B9D1: variants seen among roughly 807,000 people sequenced by gnomAD.
B9D1 encodes the protein B9 domain-containing protein 1.
A neutral mutation model predicts 26.1 loss-of-function variants in B9D1; 20 were observed. The observed-to-expected ratio is 0.77, with a 90% confidence interval of 0.54 to 1.12. B9D1 has a LOEUF of 1.12. Ranked by LOEUF, B9D1 falls within the 50% of genes most tolerant of loss-of-function variation. B9D1 has a pLI of 0.00. For missense variants in B9D1, 260 were observed against 273.7 expected (o/e 0.95, Z 0.35); for synonymous variants, 105 against 103.1 (o/e 1.02, Z -0.11).
upstream of B9D1, chr17:19,362,992 T>C (rs927467965): frequency 1.5e-5 from 4 of 271,398 alleles, no homozygotes; most frequent in South Asian, 3.3e-5. Flanking sequence ...ACTCACGCCC[T>C]CAGCAAGCCG....
At chr17:19,354,215 C>A (rs941738106) in intron 3 of B9D1, among the ~76,000 whole-genome samples, 1 of 152,168 alleles carries the variant, frequency 6.6e-6, no homozygotes, top group Non-Finnish European at 1.5e-5. Context: ...AAATACTCCA[C>A]TCCTCCTGAA....
At chr17:19,367,929 C>T (rs1911683183) in intron 1 of B9D1, among the ~76,000 whole-genome samples, 1 of 152,190 alleles carries the variant, frequency 6.6e-6, no homozygotes, top group Admixed American at 6.5e-5. Context: ...GGATCATTTA[C>T]TAAATGCTTG....
intron 3 of B9D1, among the ~76,000 whole-genome samples, chr17:19,349,287 C>G (rs1251340567): frequency 1.3e-5 from 2 of 152,128 alleles, no homozygotes. Context: ...GAGACCTTTA[C>G]CTGTTTCTTG....
At chr17:19,362,920 C>T, upstream of B9D1, 2 of 398,342 alleles carry the variant, frequency 5.0e-6, no homozygotes, top group Non-Finnish European at 9.6e-6. Context: ...CTCGGCCCGG[C>T]TCCCCGTCCC....
In B9D1 at chr17:19,347,456, C is replaced by T. The variant is rs1310216941; in HGVS notation, c.342-125G>A. ...TGGGCCAAGTCAGGGCCAATGTCAACGAATCCAACCTGTGCTAACTGAGCA... is the reference window on the plus strand; with the variant it reads ...TGGGCCAAGTCAGGGCCAATGTCAATGAATCCAACCTGTGCTAACTGAGCA... On this transcript the variant is annotated intron_variant, in intron 4 of 6. Coordinates refer to ENST00000261499, the MANE Select transcript of B9D1 (RefSeq NM_015681.6). This position sits in a 1 kb window ranked among gnomAD's most constrained non-coding sequence, Gnocchi z 4.3. 26 of 1,144,644 alleles carry T rather than the reference C, an allele frequency of 2.3e-5. No individual in the cohort carries two copies. The highest frequency in any genetic ancestry group is 5.8e-5 in the Admixed American group (3 of 51,604). 70.9% of individuals were successfully genotyped at this position (1,144,644 alleles called of 1,614,324 possible). A position where few individuals can be genotyped will look rare whatever the true frequency, so the allele number is the denominator to read the frequency against.
At chr17:19,346,359 C>T (rs1190341600) in intron 5 of B9D1, among the ~76,000 whole-genome samples, 6 of 152,352 alleles carry the variant, frequency 3.9e-5, no homozygotes, top group African/African-American at 9.6e-5. Context: ...CGGCCCTGGG[C>T]GCGATGCTGT....
chr17:19,357,837 C>T lies in B9D1; in HGVS notation c.244+3G>A. On this transcript the variant is annotated splice_donor_region_variant and intron_variant, in intron 3 of 6. Transcript: ENST00000261499. ...CTACCCCACAGGGCCCCTGCAGACT[C>T]ACAGCCGTAGGGGTTGGTGCTTTTA... is the stretch of plus-strand genomic sequence containing the variant. 1 of 1,611,524 alleles carries T rather than the reference C, an allele frequency of 6.2e-7. No homozygotes were observed. The highest frequency in any genetic ancestry group is 8.5e-7 in the Non-Finnish European group (1 of 1,177,992).
chr17:19,338,109 T>C (rs1907606352), downstream of B9D1, among the ~76,000 whole-genome samples: 1 of 152,204 alleles, frequency 6.6e-6, no homozygotes, highest in Non-Finnish European at 1.5e-5. Context: ...ATCTGTGCCC[T>C]TCCCCCAACA....
At chr17:19,362,977 C>A (rs59442155), upstream of B9D1, 2 of 294,488 alleles carry the variant, frequency 6.8e-6, no homozygotes, top group African/African-American at 2.2e-5. Flanking sequence ...GGGAGCAGCG[C>A]TCCGACTCAC....
chr17:19,345,303 G>A (rs1341426941), intron 5 of B9D1, among the ~76,000 whole-genome samples: 2 of 152,358 alleles, frequency 1.3e-5, no homozygotes, highest in East Asian at 3.9e-4. Flanking sequence ...ACAGAGACAG[G>A]TTCTAGCAGG....
At chr17:19,353,182 G>T (rs1409501943) in intron 3 of B9D1, among the ~76,000 whole-genome samples, 1 of 150,940 alleles carries the variant, frequency 6.6e-6, no homozygotes, top group East Asian at 2.0e-4. Context: ...CACCATGTTG[G>T]CCAGGCTGGT....
intron 3 of B9D1, among the ~76,000 whole-genome samples, chr17:19,356,056 T>C (rs953254527): frequency 2.6e-5 from 4 of 152,122 alleles, no homozygotes; most frequent in Admixed American, 6.6e-5. Context: ...ATAGAAATAA[T>C]TTTATGTCTA....
At chr17:19,373,672 T>C (rs1458206065) in intron 1 of B9D1, among the ~76,000 whole-genome samples, 1 of 152,090 alleles carries the variant, frequency 6.6e-6, no homozygotes, top group Admixed American at 6.6e-5. Context: ...GTGCCAGGAT[T>C]GAGACACCGC....
At chr17:19,345,798 C>G (rs1008828409) in intron 5 of B9D1, among the ~76,000 whole-genome samples, 4 of 152,272 alleles carry the variant, frequency 2.6e-5, no homozygotes, top group East Asian at 1.9e-4. Context: ...GGGGCAGGCC[C>G]TAGGCCAGCG....
At chr17:19,374,637 C>T (rs1175223713) in intron 1 of B9D1, among the ~76,000 whole-genome samples, 1 of 152,128 alleles carries the variant, frequency 6.6e-6, no homozygotes, top group Non-Finnish European at 1.5e-5. Context: ...CTGAACTCAT[C>T]TAAATGTCTA....
intron 1 of B9D1, among the ~76,000 whole-genome samples, chr17:19,376,691 G>A (rs750212441): frequency 1.0e-4 from 15 of 147,664 alleles, no homozygotes; most frequent in Non-Finnish European, 1.9e-4. Flanking sequence ...CCAGCTATTC[G>A]GGAGGCTGAG....
rs753208628 is a variant in B9D1 at position 19,343,775 on chromosome 17, G to C, written c.472+15C>G. ...TGTATGGGGGATGGGGGTAAGAGAG[G>C]GGAGGGAGCTTTACCTTCCCGGCCT... is the stretch of plus-strand genomic sequence containing the variant. On this transcript the variant is annotated intron_variant, in intron 6 of 6. Transcript: ENST00000261499. 6.2e-7 allele frequency: 1 copy of C among 1,612,960 alleles called. No homozygotes were observed. The highest frequency in any genetic ancestry group is 8.5e-7 in the Non-Finnish European group (1 of 1,179,182).
At chr17:19,342,432 T>A (rs1908075703), downstream of B9D1, among the ~76,000 whole-genome samples, 1 of 152,068 alleles carries the variant, frequency 6.6e-6, no homozygotes, top group African/African-American at 2.4e-5. Context: ...GCCTGTGGTT[T>A]CTCTTGGATC....
At chr17:19,357,789 T>A (rs769632162) in intron 3 of B9D1, 51 bp downstream of exon 3, 39 of 1,311,546 alleles carry the variant, frequency 3.0e-5, no homozygotes, top group Non-Finnish European at 4.2e-5. Flanking sequence ...GTCTTGGGGG[T>A]GCTGTGTGAA....
Sources: gnomAD v4.1 joint callset for allele counts (sites outside exome capture counted in the v4.1 genomes callset) on GRCh38, gnomAD v4.1.1 for gene constraint, Gnocchi (gnomAD v3.1) non-coding constraint, MANE v1.5 for transcripts, NCBI Gene and HGNC (gene_info 2026-07-23, HGNC 2026-07-21) for gene names.